Variants in TCF7L2 observed in about 807,000 individuals in gnomAD.
The protein encoded by TCF7L2 is transcription factor 7-like 2.
In TCF7L2, 23 loss-of-function variants were observed where a neutral mutation model predicts 77.9. The ratio of observed to expected loss-of-function variants is 0.30; its 90% CI spans 0.21 to 0.42. The LOEUF (loss-of-function observed/expected upper bound fraction) is 0.42. Among genes scored for constraint, TCF7L2 ranks in the 10% least tolerant of loss-of-function variants. The probability of loss-of-function intolerance (pLI) is 1.00; values close to 1 mark genes in which losing one functional copy is unlikely to be tolerated. For synonymous variants in TCF7L2, 413 were observed against 340.2 expected (o/e 1.21, Z -2.36); for missense variants, 654 against 793.1 (o/e 0.82, Z 2.11).
chr10:113,040,463 C>A (rs1472661788), intron 5 of TCF7L2, among the ~76,000 whole-genome samples: 1 of 152,110 alleles, frequency 6.6e-6, no homozygotes, highest in Admixed American at 6.6e-5. Flanking sequence ...AAAATACATT[C>A]AGGGCAGGTG....
In TCF7L2 at chr10:113,043,696, G is replaced by A. The variant is rs569318210; in HGVS notation, c.552+3570G>A. On this transcript the variant is annotated intron_variant, in intron 5 of 13. Transcript: ENST00000627217. ...ACACCCCCACCCCCCAGCCTCCCCA[G>A]TCCTATTTTCGCATTCATATAACTA... is the stretch of plus-strand genomic sequence containing the variant. Among the ~76,000 whole-genome samples the A allele has an allele frequency of 1.8e-4, 28 of 151,842 alleles. No individual in the cohort carries two copies. In the South Asian group the frequency reaches 5.6e-3, roughly 31 times the overall value.
intron 5 of TCF7L2, among the ~76,000 whole-genome samples, chr10:113,048,779 C>G (rs779739422): frequency 6.6e-6 from 1 of 152,152 alleles, no homozygotes; most frequent in Admixed American, 6.5e-5. Flanking sequence ...ATGTCTGTTT[C>G]TGAGGAATCC....
chr10:112,980,068 G>T (rs1481235542), intron 4 of TCF7L2, among the ~76,000 whole-genome samples: 2 of 152,206 alleles, frequency 1.3e-5, no homozygotes, highest in Admixed American at 6.5e-5. Context: ...CATCTGTTGT[G>T]TTCCATGAGT....
At chr10:113,029,177 A>G (rs2049752886) in intron 4 of TCF7L2, among the ~76,000 whole-genome samples, 1 of 152,164 alleles carries the variant, frequency 6.6e-6, no homozygotes, top group Non-Finnish European at 1.5e-5. Context: ...AATGGACTCT[A>G]AGATTCAGGT....
chr10:113,157,788 C>G, intron 11 of TCF7L2: 1 of 480,820 alleles, frequency 2.1e-6, no homozygotes, highest in Non-Finnish European at 3.8e-6. Flanking sequence ...CTTCCCTTCA[C>G]CACCCGCCAA....
chr10:112,997,295 C>T lies in TCF7L2; in HGVS notation c.450+32671C>T, dbSNP rs1011978709. On this transcript the variant is annotated intron_variant, in intron 4 of 13. Coordinates refer to ENST00000627217, the MANE Select transcript of TCF7L2 (RefSeq NM_001146274.2). ...ACAGGGACATCAGCATTTTAAAAAG[C>T]GGTGGAAAAAGTTTGCTTGTCTTGA... Among the ~76,000 whole-genome samples, 11 of 152,098 alleles carry T rather than the reference C, an allele frequency of 7.2e-5. No individual in the cohort carries two copies. In the East Asian group the frequency reaches 1.2e-3, roughly 16 times the overall value.
chr10:112,974,634 G>A (rs1245909894), intron 4 of TCF7L2, among the ~76,000 whole-genome samples: 3 of 151,920 alleles, frequency 2.0e-5, no homozygotes, highest in African/African-American at 7.3e-5. Context: ...TAGTAGAGAC[G>A]GGGTTTCACC....
chr10:113,138,362 G>T lies in TCF7L2; in HGVS notation c.553-2822G>T, dbSNP rs191160816. Among the ~76,000 whole-genome samples, 96 of 148,726 alleles carry T rather than the reference G, an allele frequency of 6.5e-4. 1 individual carries two copies. The highest frequency in any genetic ancestry group is 2.4e-3 in the African/African-American group (96 of 40,466). On this transcript the variant is annotated intron_variant, in intron 5 of 13. Transcript: ENST00000627217. Reference sequence around the variant, plus strand: ...GAGAGGTGTTAGTAGCCAGAACACAGGGCTCCACCTTTTGTTGGAATCGCC... The same window carrying T: ...GAGAGGTGTTAGTAGCCAGAACACATGGCTCCACCTTTTGTTGGAATCGCC...
At chr10:113,164,026 C>G (rs1252809779) in intron 13 of TCF7L2, among the ~76,000 whole-genome samples, 2 of 152,220 alleles carry the variant, frequency 1.3e-5, no homozygotes, top group African/African-American at 4.8e-5. Context: ...GAAAGCTGGC[C>G]AGTGCTTACA....
chr10:112,964,816 G>GTGGTGATGTTGGT (rs1331506565), intron 4 of TCF7L2, among the ~76,000 whole-genome samples, 192 bp downstream of exon 4: 1 of 148,066 alleles, frequency 6.8e-6, no homozygotes, highest in Non-Finnish European at 1.5e-5. Context: ...TGGTGGTGGG[G>GTGGTGATGTTGGT]GGGGGTTGAA....
intron 13 of TCF7L2, 110 bp from the exon 15 acceptor site, chr10:113,165,445 C>A: frequency 1.6e-6 from 2 of 1,253,084 alleles, no homozygotes; most frequent in Non-Finnish European, 2.3e-6. Flanking sequence ...GGCGTGCCAC[C>A]TCTGTGGGAC....
Position 113,165,642 on chromosome 10 carries a change from TC to T in TCF7L2, c.1485del (p.Ser496ProfsTer5), listed in dbSNP as rs748822481. 48 of 1,609,748 alleles carry T rather than the reference TC, an allele frequency of 3.0e-5. No individual in the cohort carries two copies. The highest frequency in any genetic ancestry group is 1.0e-4 in the Admixed American group (6 of 59,628). On this transcript the variant is annotated frameshift_variant, in exon 14 of 14. Transcript: ENST00000627217. LOFTEE classifies it high-confidence loss of function. ...CAGATGGAAGCTTACTAGATTCGCC[TC>T]CCCCCTCCCCGAACCTGCTAGGCTC...
intron 4 of TCF7L2, among the ~76,000 whole-genome samples, chr10:113,032,040 T>C (rs1252436151): frequency 6.6e-6 from 1 of 152,242 alleles, no homozygotes; most frequent in African/African-American, 2.4e-5. Flanking sequence ...TGAAGTGACA[T>C]GCCAGGTCAG....
intron 5 of TCF7L2, among the ~76,000 whole-genome samples, chr10:113,127,680 CG>C (rs2065876730): frequency 1.3e-5 from 2 of 151,748 alleles, no homozygotes; most frequent in African/African-American, 2.4e-5. Flanking sequence ...ATGTTCTAAG[CG>C]TGGTGTACTT....
chr10:113,083,040 G>T (rs2059465483), intron 5 of TCF7L2, among the ~76,000 whole-genome samples: 1 of 152,024 alleles, frequency 6.6e-6, no homozygotes, highest in African/African-American at 2.4e-5. Context: ...CTTCTGTTTG[G>T]AGCCTTGTCT....
At chr10:113,157,497 C>T (rs529734791) in intron 11 of TCF7L2, among the ~76,000 whole-genome samples, 1 of 152,346 alleles carries the variant, frequency 6.6e-6, no homozygotes, top group African/African-American at 2.4e-5. Context: ...ACAGCAAACT[C>T]TAAGAGAAGC....
intron 5 of TCF7L2, among the ~76,000 whole-genome samples, chr10:113,094,866 C>T (rs1173886724): frequency 6.6e-6 from 1 of 152,204 alleles, no homozygotes; most frequent in African/African-American, 2.4e-5. Context: ...TGCCTGAAAT[C>T]CCAACACTTT....
intron 5 of TCF7L2, among the ~76,000 whole-genome samples, chr10:113,049,378 C>T (rs2134495356): frequency 6.6e-6 from 1 of 152,170 alleles, no homozygotes; most frequent in Non-Finnish European, 1.5e-5. Context: ...GGCCTCAAAC[C>T]TTGGGTGGCA....
At chr10:113,138,176 A>G (rs1167233153) in intron 5 of TCF7L2, among the ~76,000 whole-genome samples, 1 of 152,178 alleles carries the variant, frequency 6.6e-6, no homozygotes, top group East Asian at 1.9e-4. Flanking sequence ...GAGTAAGGCT[A>G]GTCCTAGTAC....
Sources: gnomAD v4.1 joint callset for allele counts (sites outside exome capture counted in the v4.1 genomes callset) on GRCh38, gnomAD v4.1.1 for gene constraint, MANE v1.5 for transcripts, NCBI Gene and HGNC (gene_info 2026-07-23, HGNC 2026-07-21) for gene names.